MINPP1: variants seen among roughly 807,000 people sequenced by gnomAD.
The protein encoded by MINPP1 is multiple inositol-polyphosphate phosphatase 1.
A neutral mutation model predicts 46.1 loss-of-function variants in MINPP1; 28 were observed. The observed-to-expected ratio is 0.61, with a 90% CI of 0.45 to 0.83. The LOEUF (loss-of-function observed/expected upper bound fraction) is 0.83, where lower values mean the gene tolerates loss of function less well. Ranked by LOEUF, MINPP1 falls within the 40% of genes least tolerant of loss-of-function variation. MINPP1 has a pLI of 0.00. For missense variants in MINPP1, 603 were observed against 610.0 expected, an observed-to-expected ratio of 0.99 and a Z score of 0.12; for synonymous variants, 268 against 249.1, an observed-to-expected ratio of 1.08 and a Z score of -0.72.
In MINPP1 at chr10:87,519,349, C is replaced by G. The variant is rs116591649; in HGVS notation, c.934-1687C>G. Among the ~76,000 whole-genome samples, 1,063 of 152,292 alleles carry G rather than the reference C, an allele frequency of 7.0e-3. 14 individuals carry two copies. The highest frequency in any genetic ancestry group is 0.025 in the African/African-American group (1,018 of 41,546). The stretch of plus-strand genomic sequence containing the variant: ...GCTTCCTTTCAATCCTGTCAGGTTC[C>G]AAAACCAGGAGTGGTCTTGGCAAAT... On this transcript the variant is annotated intron_variant, in intron 3 of 4. Coordinates refer to ENST00000371996, the MANE Select transcript of MINPP1 (RefSeq NM_004897.5).
chr10:87,520,638 C>T (rs1851487139), intron 3 of MINPP1, among the ~76,000 whole-genome samples: 1 of 151,452 alleles, frequency 6.6e-6, no homozygotes, highest in South Asian at 2.1e-4. Context: ...TTTATTCTTT[C>T]TTCTAAATGT....
chr10:87,515,876 T>C (rs1378149629), intron 3 of MINPP1, among the ~76,000 whole-genome samples: 1 of 146,006 alleles, frequency 6.8e-6, no homozygotes, highest in African/African-American at 2.5e-5. Flanking sequence ...TCGCCCAGGC[T>C]GGAGTGCAGT....
At chr10:87,550,207 C>T (rs1373628052) in intron 4 of MINPP1, among the ~76,000 whole-genome samples, 2 of 152,072 alleles carry the variant, frequency 1.3e-5, no homozygotes, top group African/African-American at 4.8e-5. Context: ...TTTTTAAATA[C>T]TGATAAGTAA....
Position 87,552,191 on chromosome 10 carries a change from T to C in MINPP1, c.1177T>C (p.Tyr393His). 1 of 1,613,746 alleles carries C rather than the reference T, an allele frequency of 6.2e-7. No homozygotes were observed. Among genetic ancestry groups the C allele is most frequent in the South Asian group, 1.1e-5 (1 of 91,054 alleles). ...CAAAGACAAGGAACCCCTAACAGCGTACAATTACAAAAAACAAATGCATCG... is the reference window on the plus strand; with the variant it reads ...CAAAGACAAGGAACCCCTAACAGCGCACAATTACAAAAAACAAATGCATCG... Reference protein sequence around the residue: ...YFKDKEPLTAYNYKKQMHRKF... With the variant: ...YFKDKEPLTAHNYKKQMHRKF... Residue 393 changes from tyrosine (Y) to histidine (H), a missense_variant, in exon 5 of 5, where the codon TAC becomes CAC. Transcript: ENST00000371996.
At chr10:87,526,307 AGCATT>A in intron 4 of MINPP1, among the ~76,000 whole-genome samples, 1 of 152,272 alleles carries the variant, frequency 6.6e-6, no homozygotes, top group Admixed American at 6.5e-5. Context: ...AGTGATGATG[AGCATT>A]TTTTCATGTG....
chr10:87,520,766 T>C (rs565092556), intron 3 of MINPP1, among the ~76,000 whole-genome samples: 1 of 152,228 alleles, frequency 6.6e-6, no homozygotes, highest in East Asian at 1.9e-4. Flanking sequence ...TGAGCTGTCC[T>C]GACCTTGGAT....
Position 87,514,576 on chromosome 10 carries a change from A to G in MINPP1, c.933+1355A>G, listed in dbSNP as rs928114146. 6.6e-5 allele frequency among the ~76,000 whole-genome samples: 10 copies of G among 152,208 alleles called. No homozygotes were observed. The East Asian group carries it at 1.9e-3, about 29-fold the overall frequency. On this transcript the variant is annotated intron_variant, in intron 3 of 4. Transcript: ENST00000371996. ...GAGTCTAGGCCAGGTTTTTTGCAGA[A>G]TGTTTTTGGATGTGTCTGATATTTT...
intron 4 of MINPP1, among the ~76,000 whole-genome samples, chr10:87,537,511 T>TCTGTG (rs113605763): frequency 0.26 from 22,309 of 84,898 alleles, 2,066 homozygotes; most frequent in East Asian, 0.44. Flanking sequence ...TTATTACTGT[T>TCTGTG]TGTGTGTGTG....
intron 1 of MINPP1, among the ~76,000 whole-genome samples, chr10:87,506,295 C>T (rs1404108866): frequency 6.6e-6 from 1 of 152,008 alleles, no homozygotes; most frequent in African/African-American, 2.4e-5. Flanking sequence ...AAGAGTATGC[C>T]TTCTTAATTG....
chr10:87,527,127 T>A (rs12262771), intron 4 of MINPP1, among the ~76,000 whole-genome samples: 17,125 of 152,256 alleles, frequency 0.11, 2,048 homozygotes, highest in East Asian at 0.31. Context: ...ATCTATACAT[T>A]ACCTTGGGCA....
intron 4 of MINPP1, among the ~76,000 whole-genome samples, chr10:87,529,693 C>A (rs1851629788): frequency 6.6e-6 from 1 of 152,162 alleles, no homozygotes; most frequent in Non-Finnish European, 1.5e-5. Flanking sequence ...TGGAGTTGCT[C>A]TTCTCAAGGA....
At chr10:87,507,488 A>G (rs1851269035) in intron 1 of MINPP1, among the ~76,000 whole-genome samples, 1 of 79,202 alleles carries the variant, frequency 1.3e-5, no homozygotes, top group Admixed American at 1.3e-4. Flanking sequence ...AAACAAACAT[A>G]CATACTGATT....
rs551688663 is a variant in MINPP1 at position 87,539,143 on chromosome 10, A to G, written c.1068-12939A>G. 4.6e-5 allele frequency among the ~76,000 whole-genome samples: 7 copies of G among 152,332 alleles called. No individual in the cohort carries two copies. The East Asian group carries it at 9.6e-4, about 21-fold the overall frequency. Reference sequence around the variant, plus strand: ...ATTTTCACGCTGTTATTCCTAAAATAAGAAGGGTTGACCAGATCTCAAACC... The same window carrying G: ...ATTTTCACGCTGTTATTCCTAAAATGAGAAGGGTTGACCAGATCTCAAACC... On this transcript the variant is annotated intron_variant, in intron 4 of 4. Coordinates refer to ENST00000371996, the MANE Select transcript of MINPP1 (RefSeq NM_004897.5).
chr10:87,510,227 G>A lies in MINPP1; in HGVS notation c.835+1694G>A, dbSNP rs572997778. 7.2e-5 allele frequency among the ~76,000 whole-genome samples: 11 copies of A among 152,280 alleles called. 1 individual carries two copies. In the East Asian group the frequency reaches 1.3e-3, roughly 19 times the overall value. On this transcript the variant is annotated intron_variant, in intron 2 of 4. Coordinates refer to ENST00000371996, the MANE Select transcript of MINPP1 (RefSeq NM_004897.5). ...ATTTAGTACCTGGCGCAGTAATTGC[G>A]CAATAAATACTTTTGCTATTTAAAT...
chr10:87,505,046 G>T lies in MINPP1; in HGVS notation c.131G>T (p.Ser44Ile). 3 of 1,613,336 alleles carry T rather than the reference G, an allele frequency of 1.9e-6. No homozygotes were observed. Among genetic ancestry groups the T allele is most frequent in the Non-Finnish European group, 1.7e-6 (2 of 1,179,906 alleles). Residue 44 changes from serine to isoleucine, a missense_variant, in exon 1 of 5, where the codon AGC becomes ATC. Coordinates refer to ENST00000371996, the MANE Select transcript of MINPP1 (RefSeq NM_004897.5). The surrounding 1 kb of genome is among the most constrained non-coding windows in gnomAD (Gnocchi z 4.4). ...AGGGACCCGGTGGCCTCGTCGCTCAGCCCCTATTTCGGCACCAAGACTCGC... is the reference window on the plus strand; with the variant it reads ...AGGGACCCGGTGGCCTCGTCGCTCATCCCCTATTTCGGCACCAAGACTCGC... ...EPRDPVASSLSPYFGTKTRYE... is the reference protein window; with the variant it reads ...EPRDPVASSLIPYFGTKTRYE...
At chr10:87,548,336 C>A (rs115697083) in intron 4 of MINPP1, among the ~76,000 whole-genome samples, 1 of 152,140 alleles carries the variant, frequency 6.6e-6, no homozygotes, top group Admixed American at 6.5e-5. Flanking sequence ...CTCCCCTCCC[C>A]CTCCAAGAAG....
rs1851989308 is a variant in MINPP1 at position 87,553,232 on chromosome 10, T to C, written c.*754T>C. Reference sequence around the variant, plus strand: ...TCAAATCCATTGCTTAGCTAACTTTTTCATTCTGTCACTTGGCTTCGATTT... The same window carrying C: ...TCAAATCCATTGCTTAGCTAACTTTCTCATTCTGTCACTTGGCTTCGATTT... On this transcript the variant is annotated 3_prime_UTR_variant, in exon 5 of 5. Coordinates refer to ENST00000371996, the MANE Select transcript of MINPP1 (RefSeq NM_004897.5). 6.6e-6 allele frequency: 1 copy of C among 152,126 alleles called. No homozygotes were observed. The highest frequency in any genetic ancestry group is 1.5e-5 in the Non-Finnish European group (1 of 67,996). The allele number at this position is 152,126 out of a possible 1,614,324, so 9.4% of individuals were successfully genotyped here.
chr10:87,532,145 A>AAG (rs1408937954), intron 4 of MINPP1, among the ~76,000 whole-genome samples: 1 of 152,230 alleles, frequency 6.6e-6, no homozygotes, highest in Non-Finnish European at 1.5e-5. Context: ...TAATGAAAAC[A>AAG]AGAGCTTTGT....
intron 2 of MINPP1, among the ~76,000 whole-genome samples, chr10:87,512,654 TTAAG>T (rs1375885577): frequency 6.6e-6 from 1 of 152,186 alleles, no homozygotes; most frequent in Non-Finnish European, 1.5e-5. Context: ...CAAAATCATA[TTAAG>T]TTTTATATAG....
Sources: allele counts gnomAD v4.1 joint callset (sites outside exome capture counted in the v4.1 genomes callset), GRCh38; gene constraint gnomAD v4.1.1; non-coding constraint Gnocchi (gnomAD v3.1); transcripts MANE v1.5; gene names NCBI Gene and HGNC (gene_info 2026-07-23, HGNC 2026-07-21).